The following CIC variants were observed in gnomAD, a reference collection of about 807,000 sequenced individuals.
CIC encodes the protein protein capicua homolog.
Under a neutral mutation model 115.7 loss-of-function variants are expected in CIC, and 18 were observed. The observed-to-expected ratio is 0.16, with a 90% CI of 0.11 to 0.23. CIC has a LOEUF of 0.23. Among genes scored for constraint, CIC ranks in the 10% least tolerant of loss-of-function variants. The pLI is 1.00. For missense variants in CIC, 2,000 were observed against 2,159.3 expected (o/e 0.93, Z 1.46); for synonymous variants, 1,076 against 923.0 (o/e 1.17, Z -3.01).
Position 42,294,156 on chromosome 19 carries a change from T to G in CIC, c.6923-17T>G, listed in dbSNP as rs1173656087. On this transcript the variant is annotated splice_polypyrimidine_tract_variant and intron_variant, in intron 18 of 20. Coordinates refer to ENST00000681038, the MANE Select transcript of CIC (RefSeq NM_001386298.1). ...AGACTGGGGCCACCTGCACTGAGTC[T>G]GCTTCTGTTTGGCCAGACCTGGATT... 6.2e-7 allele frequency: 1 copy of G among 1,613,904 alleles called. No homozygotes were observed. The highest frequency in any genetic ancestry group is 8.5e-7 in the Non-Finnish European group (1 of 1,180,008).
At position 42,292,403 on chromosome 19, in the gene CIC, G is replaced by A. The variant is rs1375232204; in HGVS notation, c.5839G>A (p.Val1947Ile). The A allele has an allele frequency of 6.2e-7, 1 of 1,612,194 alleles. No individual in the cohort carries two copies. The highest frequency in any genetic ancestry group is 1.3e-5 in the African/African-American group (1 of 74,872). The change falls in exon 14 of 21, where the codon GTA becomes ATA. Residue 1947 changes from valine (V) to isoleucine (I), a missense_variant. By Grantham distance (29) the Val-to-Ile change is conservative. Coordinates refer to ENST00000681038, the MANE Select transcript of CIC (RefSeq NM_001386298.1). The stretch of plus-strand genomic sequence containing the variant: ...CACCTCGTACGGGCCCACGAGCTCT[G>A]TAGCTCTAGGCTTCACCTCGCTGGG... The part of the protein sequence containing the change: ...TVTSYGPTSS[V>I]ALGFTSLGPS...
At position 42,293,104 on chromosome 19, in the gene CIC, G is replaced by A. The variant is rs1406931237; in HGVS notation, c.6345G>A (p.Gln2115=). The change falls in exon 16 of 21, where the codon CAG becomes CAA. Residue 2115 remains glutamine (Q), a synonymous_variant. Coordinates refer to ENST00000681038, the MANE Select transcript of CIC (RefSeq NM_001386298.1). ...GGCGGCCTGGCCCTGCACCCCGGCA[G>A]CCTCTGGAGCCTGGCCCAGTCCGAG... ...ASGRPGPAPR[Q]PLEPGPVREP... 6.2e-7 allele frequency: 1 copy of A among 1,609,472 alleles called. No individual in the cohort carries two copies. Among genetic ancestry groups the A allele is most frequent in the South Asian group, 1.1e-5 (1 of 90,720 alleles).
chr19:42,289,824 A>G (rs1429265367), intron 9 of CIC, 24 bp from the exon 10 acceptor site: 5 of 1,558,382 alleles, frequency 3.2e-6, no homozygotes, highest in Non-Finnish European at 4.4e-6. Context: ...CCCCCTCCCC[A>G]TACTGTTCCC....
chr19:42,293,466 C>T, intron 16 of CIC, 126 bp from the exon 17 acceptor site: 5 of 1,516,570 alleles, frequency 3.3e-6, no homozygotes, highest in Admixed American at 3.7e-5. Context: ...CTTGGCCTTC[C>T]TGAGGCCGTG....
At position 42,273,670 on chromosome 19, in the gene CIC, A is replaced by T; in HGVS notation, c.1887A>T (p.Pro629=). ...CTCAATCGCCCTTCTCGCCAGCCCC[A>T]TCACCCTCACCCTCACCACTCTTCG... is the stretch of plus-strand genomic sequence containing the variant. ...VSTQSPFSPA[P]SPSPSPLFGF... is the part of the protein sequence containing the mutation. The change falls in exon 2 of 21, where the codon CCA becomes CCT. Residue 629 remains proline, a synonymous_variant. Coordinates refer to ENST00000681038, the MANE Select transcript of CIC (RefSeq NM_001386298.1). 1 of 397,608 alleles carries T rather than the reference A, an allele frequency of 2.5e-6. No homozygotes were observed. Among genetic ancestry groups the T allele is most frequent in the Non-Finnish European group, 4.4e-6 (1 of 225,756 alleles). 24.6% of individuals were successfully genotyped at this position (397,608 alleles called of 1,614,324 possible).
chr19:42,287,580 C>G lies in CIC; in HGVS notation c.3345C>G (p.Ala1115=), dbSNP rs1254864872. ...EKDHIRRPMN[A]FMIFSKRHRA... ...ACCACATCCGGCGGCCCATGAATGC[C>G]TTCATGATCTTCAGCAAGCGGCACC... The change falls in exon 6 of 21, where the codon GCC becomes GCG. Residue 1115 remains alanine, a synonymous_variant. Coordinates refer to ENST00000681038, the MANE Select transcript of CIC (RefSeq NM_001386298.1). This position sits in a 1 kb window ranked among gnomAD's most constrained non-coding sequence, Gnocchi z 8.7. The G allele has an allele frequency of 1.9e-6, 3 of 1,613,706 alleles. No individual in the cohort carries two copies. The highest frequency in any genetic ancestry group is 4.5e-5 in the East Asian group (2 of 44,902).
chr19:42,281,116 C>T (rs965411425), intron 2 of CIC, among the ~76,000 whole-genome samples: 1 of 136,544 alleles, frequency 7.3e-6, no homozygotes, highest in Non-Finnish European at 1.6e-5. Flanking sequence ...CAACCCTGGC[C>T]GTCGCCGACG....
In CIC at chr19:42,270,621, G is replaced by A. The variant is rs2075433827; in HGVS notation, c.-10-1153G>A. Among the ~76,000 whole-genome samples the A allele has an allele frequency of 6.6e-6, 1 of 152,124 alleles. No individual in the cohort carries two copies. Among genetic ancestry groups the A allele is most frequent in the Admixed American group, 6.5e-5 (1 of 15,272 alleles). ...CACCTATCCCCACTTGGAGTTGGAG[G>A]GCATATTTGGGGGCCTGCGGGGGGC... On this transcript the variant is annotated intron_variant, in intron 1 of 20. Coordinates refer to ENST00000681038, the MANE Select transcript of CIC (RefSeq NM_001386298.1). This position sits in a 1 kb window ranked among gnomAD's most constrained non-coding sequence, Gnocchi z 4.1.
intron 2 of CIC, among the ~76,000 whole-genome samples, chr19:42,277,300 G>T (rs2037019832): frequency 6.6e-6 from 1 of 152,194 alleles, no homozygotes; most frequent in African/African-American, 2.4e-5. Flanking sequence ...CGCAATCTTG[G>T]TTCATTGCAA....
chr19:42,291,629 G>A lies in CIC; in HGVS notation c.5497G>A (p.Val1833Met), dbSNP rs2147279844. The A allele has an allele frequency of 6.2e-7, 1 of 1,612,970 alleles. No homozygotes were observed. The highest frequency in any genetic ancestry group is 8.5e-7 in the Non-Finnish European group (1 of 1,179,988). ...CCAGCTGCTGCCTGGGAAGGTCCTA[G>A]TGCCTCTGGCCGCCCCTAGCATGTC... ...SAQLLPGKVL[V>M]PLAAPSMSVR... Residue 1833 changes from valine to methionine, a missense_variant, in exon 12 of 21, where the codon GTG (valine) becomes ATG (methionine). By Grantham distance (21) the Val-to-Met change is conservative. Around this residue, in one of 8 missense-constraint regions of CIC, gnomAD observed 1,466 missense variants for 1,390.4 expected, o/e 1.05. Coordinates refer to ENST00000681038, the MANE Select transcript of CIC (RefSeq NM_001386298.1).
Position 42,289,077 on chromosome 19 carries a change from A to G in CIC, c.3848A>G (p.Gln1283Arg). The G allele has an allele frequency of 1.2e-6, 2 of 1,613,640 alleles. No individual in the cohort carries two copies. The highest frequency in any genetic ancestry group is 1.7e-6 in the Non-Finnish European group (2 of 1,180,038). Residue 1283 changes from glutamine (Q) to arginine (R), a missense_variant, in exon 8 of 21, where the codon CAG becomes CGG. Coordinates refer to ENST00000681038, the MANE Select transcript of CIC (RefSeq NM_001386298.1). ...DGGEVDSQALQELTQMVSGPA... is the reference protein window; with the variant it reads ...DGGEVDSQALRELTQMVSGPA... ...GGAGAAGTAGACAGTCAGGCGCTAC[A>G]GGAACTGACGCAGGTCTAGGGTGCA...
At chr19:42,294,560 C>T (rs1040250369) in intron 19 of CIC, 44 bp from the exon 20 acceptor site, 5 of 1,611,028 alleles carry the variant, frequency 3.1e-6, no homozygotes, top group Non-Finnish European at 4.2e-6. Context: ...CAGGAAGGCC[C>T]TGCCGCTGCT....
chr19:42,288,987 T>A lies in CIC; in HGVS notation c.3758T>A (p.Val1253Asp). Reference sequence around the variant, plus strand: ...TGTGGGGCAGAACGGCTACACACAGTTGGGGGACCTGGCTCAGCCCGGCCC... The same window carrying A: ...TGTGGGGCAGAACGGCTACACACAGATGGGGGACCTGGCTCAGCCCGGCCC... ...SSCGAERLHT[V>D]GGPGSARPRA... The change falls in exon 8 of 21, where the codon GTT becomes GAT. Residue 1253 changes from valine (V) to aspartate (D), a missense_variant. Around this residue, in one of 8 missense-constraint regions of CIC, gnomAD observed 1,466 missense variants for 1,390.4 expected, o/e 1.05. Coordinates refer to ENST00000681038, the MANE Select transcript of CIC (RefSeq NM_001386298.1). 6.2e-7 allele frequency: 1 copy of A among 1,613,892 alleles called. No homozygotes were observed. Among genetic ancestry groups the A allele is most frequent in the Non-Finnish European group, 8.5e-7 (1 of 1,180,008 alleles).
intron 2 of CIC, among the ~76,000 whole-genome samples, chr19:42,286,159 C>T (rs2037623752): frequency 6.6e-6 from 1 of 152,050 alleles, no homozygotes; most frequent in South Asian, 2.1e-4. Flanking sequence ...TGTGCCCAGC[C>T]AGGAAGGGCA....
intron 2 of CIC, among the ~76,000 whole-genome samples, chr19:42,285,899 A>C (rs761231258): frequency 6.6e-6 from 1 of 152,236 alleles, no homozygotes; most frequent in Non-Finnish European, 1.5e-5. Context: ...CTTCCTGTGC[A>C]TATCCTCAAG....
At position 42,280,121 on chromosome 19, in the gene CIC, C is replaced by T. The variant is rs2037159113; in HGVS notation, c.2794+5544C>T. The T allele has an allele frequency of 6.6e-6, 1 of 152,194 alleles. No individual in the cohort carries two copies. The highest frequency in any genetic ancestry group is 1.5e-5 in the Non-Finnish European group (1 of 68,034). 9.4% of individuals were successfully genotyped at this position (152,194 alleles called of 1,614,324 possible). On this transcript the variant is annotated intron_variant, in intron 2 of 20. Coordinates refer to ENST00000681038, the MANE Select transcript of CIC (RefSeq NM_001386298.1). This position sits in a 1 kb window ranked among gnomAD's most constrained non-coding sequence, Gnocchi z 4.9. ...TTACCACCGGCGGCAGCGGCTGCACCGCAGGCGGCTGGACCCTAGCCCGCC... is the reference window on the plus strand; with the variant it reads ...TTACCACCGGCGGCAGCGGCTGCACTGCAGGCGGCTGGACCCTAGCCCGCC...
rs1338289590 is a variant in CIC at position 42,291,066 on chromosome 19, C to T, written c.5025C>T (p.Gly1675=). 1.2e-6 allele frequency: 2 copies of T among 1,613,844 alleles called. No individual in the cohort carries two copies. Among genetic ancestry groups the T allele is most frequent in the South Asian group, 1.1e-5 (1 of 91,072 alleles). Residue 1675 remains glycine, a synonymous_variant, in exon 11 of 21, where the codon GGC becomes GGT. Transcript: ENST00000681038. ...APATVTNLLV[G]TPGYGAPAPP... ...CCACTGTCACTAACCTACTGGTGGG[C>T]ACCCCGGGGTATGGGGCCCCTGCGC...
At chr19:42,286,539 G>GT (rs2037655371) in intron 2 of CIC, among the ~76,000 whole-genome samples, 1 of 151,868 alleles carries the variant, frequency 6.6e-6, no homozygotes, top group East Asian at 1.9e-4. Flanking sequence ...GGAGTGGGGC[G>GT]TGAGTACTAT....
At position 42,273,133 on chromosome 19, in the gene CIC, C is replaced by T. The variant is rs1226986585; in HGVS notation, c.1350C>T (p.Gly450=). ...QPSPCQEGSQ[G]GSRSSSVASL... is the part of the protein sequence containing the mutation. ...CGCCCTGCCAGGAGGGGAGCCAGGG[C>T]GGCAGCCGCAGCAGCAGCGTGGCCT... The change falls in exon 2 of 21, where the codon GGC becomes GGT. Residue 450 remains glycine (G), a synonymous_variant. Coordinates refer to ENST00000681038, the MANE Select transcript of CIC (RefSeq NM_001386298.1). 23 of 398,370 alleles carry T rather than the reference C, an allele frequency of 5.8e-5. No individual in the cohort carries two copies. Among genetic ancestry groups the T allele is most frequent in the Admixed American group, 4.4e-5 (1 of 22,712 alleles). The allele number at this position is 398,370 out of a possible 1,614,324, so 24.7% of individuals were successfully genotyped here.
Sources: allele counts gnomAD v4.1 joint callset (sites outside exome capture counted in the v4.1 genomes callset), GRCh38; gene constraint gnomAD v4.1.1; regional missense constraint gnomAD v4.1.1; non-coding constraint Gnocchi (gnomAD v3.1); transcripts MANE v1.5; gene names NCBI Gene and HGNC (gene_info 2026-07-23, HGNC 2026-07-21).